HLA-DOB: variants seen among roughly 807,000 people sequenced by gnomAD.
HLA-DOB encodes HLA class II histocompatibility antigen, DO beta chain.
A neutral mutation model predicts 27.7 loss-of-function variants in HLA-DOB; 25 were observed. The observed-to-expected ratio is 0.90, with a 90% CI of 0.66 to 1.26. HLA-DOB has a LOEUF of 1.26. Among genes scored for constraint, HLA-DOB ranks in the 50% most tolerant of loss-of-function variants. The pLI is 0.00. For missense variants in HLA-DOB, 306 were observed against 324.9 expected (o/e 0.94, Z 0.45); for synonymous variants, 137 against 125.6 (o/e 1.09, Z -0.61).
rs1034080616 is a variant in HLA-DOB at position 32,813,131 on chromosome 6, C to A, written c.*85G>T. The A allele has an allele frequency of 3.4e-6, 4 of 1,183,428 alleles. No homozygotes were observed. In the African/African-American group the frequency reaches 6.0e-5, roughly 18 times the overall value. The allele number at this position is 1,183,428 out of a possible 1,614,324, so 73.3% of individuals were successfully genotyped here. On this transcript the variant is annotated 3_prime_UTR_variant, in exon 6 of 6. Transcript: ENST00000438763. ...AAGAGAGTTATTCCCAGAACATTGA[C>A]CTCATGAATGTCCTTTACCTCACCC... is the stretch of plus-strand genomic sequence containing the variant.
chr6:32,813,409 C>T, intron 5 of HLA-DOB, 31 bp downstream of exon 5: 1 of 1,610,796 alleles, frequency 6.2e-7, no homozygotes, highest in Non-Finnish European at 8.5e-7. Context: ...GAATGATCTG[C>T]CACTCAAAGA....
chr6:32,813,207 G>A lies in HLA-DOB; in HGVS notation c.*9C>T. On this transcript the variant is annotated 3_prime_UTR_variant, in exon 6 of 6. Coordinates refer to ENST00000438763, the MANE Select transcript of HLA-DOB (RefSeq NM_002120.4). ...TCAGGCTCCAGAGAGAGAAGCTTCA[G>A]TGAGGACCTTAGCATGACTGAGGGA... 6.2e-7 allele frequency: 1 copy of A among 1,612,688 alleles called. No homozygotes were observed. Among genetic ancestry groups the A allele is most frequent in the South Asian group, 1.1e-5 (1 of 91,070 alleles).
At chr6:32,814,622 A>T in intron 2 of HLA-DOB, 21 bp from the exon 3 acceptor site, 1 of 1,601,560 alleles carries the variant, frequency 6.2e-7, no homozygotes, top group Non-Finnish European at 8.5e-7. Flanking sequence ...AGGAAAAATG[A>T]GACACCGTGA....
rs1258052508 is a variant in HLA-DOB at position 32,812,887 on chromosome 6, G to T, written c.*329C>A. On this transcript the variant is annotated 3_prime_UTR_variant, in exon 6 of 6. Transcript: ENST00000438763. ...GGAGACTGCAGTTGGAAGACAGAAA[G>T]CTTTGGAGATCATGACTTATAGGAG... The T allele has an allele frequency of 2.8e-6, 1 of 358,130 alleles. No homozygotes were observed. The highest frequency in any genetic ancestry group is 5.1e-6 in the Non-Finnish European group (1 of 197,028). 22.2% of individuals were successfully genotyped at this position (358,130 alleles called of 1,614,324 possible).
chr6:32,813,105 G>C lies in HLA-DOB; in HGVS notation c.*111C>G. 1 of 1,006,830 alleles carries C rather than the reference G, an allele frequency of 9.9e-7. No individual in the cohort carries two copies. Among genetic ancestry groups the C allele is most frequent in the South Asian group, 1.3e-5 (1 of 77,984 alleles). 62.4% of individuals were successfully genotyped at this position (1,006,830 alleles called of 1,614,324 possible). On this transcript the variant is annotated 3_prime_UTR_variant, in exon 6 of 6. Transcript: ENST00000438763. ...AGTTCGGGCTCCTCCAAGGATCAGG[G>C]AAGAGAGTTATTCCCAGAACATTGA...
In HLA-DOB at chr6:32,813,188, T is replaced by C. The variant is rs967405985; in HGVS notation, c.*28A>G. 2.1e-5 allele frequency: 33 copies of C among 1,609,702 alleles called. No individual in the cohort carries two copies. The African/African-American group carries it at 2.7e-4, about 13-fold the overall frequency. On this transcript the variant is annotated 3_prime_UTR_variant, in exon 6 of 6. Transcript: ENST00000438763. ...CAGACTACTCATCACTACTTCAGGC[T>C]CCAGAGAGAGAAGCTTCAGTGAGGA...
At chr6:32,813,353 C>T (rs1291008494) in intron 5 of HLA-DOB, 87 bp downstream of exon 5, 2 of 1,582,784 alleles carry the variant, frequency 1.3e-6, no homozygotes, top group African/African-American at 1.3e-5. Context: ...AGCAACCTTA[C>T]TCCTCCCTAC....
At position 32,815,069 on chromosome 6, in the gene HLA-DOB, G is replaced by A. The variant is rs370963057; in HGVS notation, c.336C>T (p.Gly112=). 135 of 1,613,966 alleles carry A rather than the reference G, an allele frequency of 8.4e-5. No individual in the cohort carries two copies. The highest frequency in any genetic ancestry group is 3.4e-4 in the South Asian group (31 of 91,078). Residue 112 remains glycine (G), a synonymous_variant, in exon 2 of 6, where the codon GGC becomes GGT. Coordinates refer to ENST00000438763, the MANE Select transcript of HLA-DOB (RefSeq NM_002120.4). ...DGVCRHNYRL[G]APFTVGRKVQ... is the part of the protein sequence containing the mutation. ...CTTTTCTCCCCACAGTGAAGGGTGC[G>A]CCCAGCCTGTAGTTGTGTCTACAGA...
At chr6:32,815,716 C>A (rs1244330863) in intron 1 of HLA-DOB, among the ~76,000 whole-genome samples, 1 of 152,168 alleles carries the variant, frequency 6.6e-6, no homozygotes, top group African/African-American at 2.4e-5. Context: ...TTAAGAACAA[C>A]AACTACAATA....
rs1456454967 is a variant in HLA-DOB at position 32,815,123 on chromosome 6, C to T, written c.282G>A (p.Leu94=). ...AEQWNSRLDL[L]ERSRQAVDGV... is the part of the protein sequence containing the mutation. The stretch of plus-strand genomic sequence containing the variant: ...CATCCACGGCCTGTCTGCTCCTCTC[C>T]AAGAGATCCAGCCGGCTGTTCCACT... Residue 94 remains leucine, a synonymous_variant, in exon 2 of 6, where the codon TTG becomes TTA. Transcript: ENST00000438763. 1.2e-6 allele frequency: 2 copies of T among 1,614,102 alleles called. No homozygotes were observed. Among genetic ancestry groups the T allele is most frequent in the Non-Finnish European group, 1.7e-6 (2 of 1,180,054 alleles).
At chr6:32,814,926 A>G (rs1473028926) in intron 2 of HLA-DOB, 118 bp downstream of exon 2, 3 of 1,200,966 alleles carry the variant, frequency 2.5e-6, no homozygotes, top group Non-Finnish European at 3.5e-6. Context: ...GGGCCAGAAC[A>G]TCTACACAGA....
rs767391345 is a variant in HLA-DOB, at chr6:32,815,317, G to GAAAACC, written c.92-10_92-5dup. The GAAAACC allele has an allele frequency of 1.9e-5, 30 of 1,613,624 alleles. No individual in the cohort carries two copies. In the South Asian group the frequency reaches 2.7e-4, roughly 15 times the overall value. On this transcript the variant is annotated splice_region_variant and splice_polypyrimidine_tract_variant and intron_variant, in intron 1 of 5. Coordinates refer to ENST00000438763, the MANE Select transcript of HLA-DOB (RefSeq NM_002120.4). ...TTTGCCTGAATCACAAAATCTTCTG[G>GAAAACC]AAAACCAAAACCAAAACCATGAACC...
intron 2 of HLA-DOB, 90 bp from the exon 3 acceptor site, chr6:32,814,691 C>T (rs1767944707): frequency 1.6e-6 from 2 of 1,216,858 alleles, no homozygotes; most frequent in Non-Finnish European, 2.4e-6. Flanking sequence ...TGTCTAATCT[C>T]TTTCCCAGAT....
In HLA-DOB at chr6:32,814,360, G is replaced by A. The variant is rs373352523; in HGVS notation, c.603C>T (p.Val201=). The change falls in exon 3 of 6, where the codon GTC becomes GTT. Residue 201 remains valine (V), a synonymous_variant. Transcript: ENST00000438763. ...PELGHVYTCL[V]DHSSLLSPVS... Reference sequence around the variant, plus strand: ...CAGGGCTCAGCAGGCTGGAGTGATCGACAAGGCAGGTGTAGACATGTCCAA... The same window carrying A: ...CAGGGCTCAGCAGGCTGGAGTGATCAACAAGGCAGGTGTAGACATGTCCAA... The A allele has an allele frequency of 4.3e-6, 7 of 1,612,874 alleles. No individual in the cohort carries two copies. Among genetic ancestry groups the A allele is most frequent in the South Asian group, 1.1e-5 (1 of 91,078 alleles).
At chr6:32,815,464 T>G in intron 1 of HLA-DOB, 151 bp from the exon 2 acceptor site, 1 of 742,418 alleles carries the variant, frequency 1.3e-6, no homozygotes, top group Non-Finnish European at 2.3e-6. Context: ...AGAAACAGAA[T>G]GGGATTCAAC....
chr6:32,814,736 G>A (rs1259377608), intron 2 of HLA-DOB, 135 bp from the exon 3 acceptor site: 4 of 850,122 alleles, frequency 4.7e-6, no homozygotes, highest in Middle Eastern at 3.6e-4. Flanking sequence ...GCAAGTCTCA[G>A]CCCCCAAGAT....
chr6:32,814,290 G>A, intron 3 of HLA-DOB, 30 bp downstream of exon 3: 1 of 1,605,496 alleles, frequency 6.2e-7, no homozygotes, highest in Non-Finnish European at 8.5e-7. Context: ...CCTGAGTCAG[G>A]CCCAGAGAGT....
Position 32,813,262 on chromosome 6 carries a change from A to G in HLA-DOB, c.787-11T>C. The G allele has an allele frequency of 1.9e-6, 3 of 1,612,916 alleles. No homozygotes were observed. In the African/African-American group the frequency reaches 4.0e-5, roughly 22 times the overall value. ...AACAGCTCTTGAGACCTGGAGGCAC[A>G]GTGATGAAGGTCTCAGGAGGCAGCC... On this transcript the variant is annotated splice_polypyrimidine_tract_variant and intron_variant, in intron 5 of 5. Transcript: ENST00000438763.
At chr6:32,815,571 G>A (rs1562305035) in intron 1 of HLA-DOB, among the ~76,000 whole-genome samples, 1 of 152,206 alleles carries the variant, frequency 6.6e-6, no homozygotes, top group Non-Finnish European at 1.5e-5. Context: ...TACCAGACAC[G>A]TTTAGAATGG....
Sources: allele counts gnomAD v4.1 joint callset (sites outside exome capture counted in the v4.1 genomes callset), GRCh38; gene constraint gnomAD v4.1.1; transcripts MANE v1.5; gene names NCBI Gene and HGNC (gene_info 2026-07-23, HGNC 2026-07-21).